Variants in LARGE1 observed in about 807,000 individuals in gnomAD.
LARGE1 encodes xylosyl- and glucuronyltransferase LARGE1.
Under a neutral mutation model 87.6 loss-of-function variants are expected in LARGE1, and 43 were observed. The ratio of observed to expected loss-of-function variants is 0.49; its 90% CI spans 0.38 to 0.63. The LOEUF (loss-of-function observed/expected upper bound fraction) is 0.63, where lower values mean the gene tolerates loss of function less well. Among genes scored for constraint, LARGE1 ranks in the 30% least tolerant of loss-of-function variants. The pLI, the probability that LARGE1 is intolerant of heterozygous loss-of-function variation, is 0.00. For missense variants in LARGE1, 802 were observed against 1,000.2 expected (o/e 0.80, Z 2.67); for synonymous variants, 434 against 394.6 (o/e 1.10, Z -1.18).
At chr22:33,721,988 A>T (rs1003546600) in intron 2 of LARGE1, among the ~76,000 whole-genome samples, 4 of 152,150 alleles carry the variant, frequency 2.6e-5, no homozygotes, top group African/African-American at 9.7e-5. Context: ...GCAGTGGCTC[A>T]CGCCTGTAAT....
intron 1 of LARGE1, among the ~76,000 whole-genome samples, chr22:33,779,272 G>A (rs1395137906): frequency 6.6e-6 from 1 of 152,120 alleles, no homozygotes; most frequent in African/African-American, 2.4e-5. Context: ...TCTATGGTGG[G>A]TGCTTAATCC....
chr22:33,096,798 C>T, the LARGE1 span, among the ~76,000 whole-genome samples: 1 of 152,110 alleles, frequency 6.6e-6, no homozygotes, highest in Admixed American at 6.5e-5. Flanking sequence ...ATCTCCTGAC[C>T]TCTTGATCCG....
At chr22:33,509,781 G>T (rs926103497) in intron 6 of LARGE1, among the ~76,000 whole-genome samples, 1 of 152,156 alleles carries the variant, frequency 6.6e-6, no homozygotes, top group Admixed American at 6.5e-5. Context: ...TTTTATAAAT[G>T]ATCTGTGTTT....
At chr22:33,333,459 C>T (rs1938010072) in intron 10 of LARGE1, among the ~76,000 whole-genome samples, 1 of 152,176 alleles carries the variant, frequency 6.6e-6, no homozygotes, top group African/African-American at 2.4e-5. Flanking sequence ...AAACTCCAAG[C>T]TTCTCAGCAC....
chr22:33,913,368 TTAAA>T (rs2065692460), intron 1 of LARGE1, among the ~76,000 whole-genome samples: 1 of 152,232 alleles, frequency 6.6e-6, no homozygotes, highest in African/African-American at 2.4e-5. Flanking sequence ...AGAACAGTAG[TTAAA>T]TAAGTAATCT....
At chr22:33,133,989 T>C in the LARGE1 span, among the ~76,000 whole-genome samples, 1 of 152,168 alleles carries the variant, frequency 6.6e-6, no homozygotes, top group African/African-American at 2.4e-5. Flanking sequence ...AAAACCATGT[T>C]CAGGGAGATT....
At chr22:33,622,679 A>G (rs2079792913) in intron 4 of LARGE1, among the ~76,000 whole-genome samples, 1 of 152,124 alleles carries the variant, frequency 6.6e-6, no homozygotes, top group Admixed American at 6.5e-5. Context: ...CTCCCCATAT[A>G]TGTAAGCCCC....
At chr22:33,287,655 G>C (rs1420213165) in intron 12 of LARGE1, among the ~76,000 whole-genome samples, 1 of 152,146 alleles carries the variant, frequency 6.6e-6, no homozygotes, top group Non-Finnish European at 1.5e-5. Context: ...CTGTCTTAGG[G>C]GTCAACAATT....
intron 11 of LARGE1, among the ~76,000 whole-genome samples, chr22:33,257,210 A>T (rs184450430): frequency 2.5e-3 from 385 of 152,160 alleles, no homozygotes; most frequent in Non-Finnish European, 4.0e-3. Flanking sequence ...CGTCTCAAAA[A>T]TAAACAAACA....
At chr22:33,766,236 C>A (rs890366701) in intron 1 of LARGE1, among the ~76,000 whole-genome samples, 1 of 152,094 alleles carries the variant, frequency 6.6e-6, no homozygotes, top group Non-Finnish European at 1.5e-5. Flanking sequence ...GAGGCCTCCC[C>A]ACCTGTTAAC....
At chr22:33,119,796 C>A in the LARGE1 span, among the ~76,000 whole-genome samples, 1 of 152,148 alleles carries the variant, frequency 6.6e-6, no homozygotes, top group Admixed American at 6.6e-5. Context: ...GCCACTGACA[C>A]GTGTGGAGTG....
chr22:33,685,390 A>G (rs1422868902), intron 2 of LARGE1, among the ~76,000 whole-genome samples: 4 of 152,204 alleles, frequency 2.6e-5, no homozygotes, highest in Non-Finnish European at 5.9e-5. Context: ...CTAATATCCA[A>G]ATTATAGAAC....
upstream of LARGE1, among the ~76,000 whole-genome samples, chr22:33,920,941 G>C (rs2147024112): frequency 6.7e-6 from 1 of 148,680 alleles, no homozygotes; most frequent in South Asian, 2.1e-4. Context: ...GCTGGGGTCC[G>C]GGCTCCGGGC....
chr22:33,307,426 T>C (rs1935053301), intron 11 of LARGE1, among the ~76,000 whole-genome samples: 1 of 152,180 alleles, frequency 6.6e-6, no homozygotes, highest in Non-Finnish European at 1.5e-5. Context: ...ATATCTTTGC[T>C]TCATTGTCTG....
At chr22:33,597,751 C>T (rs1867820662) in intron 5 of LARGE1, among the ~76,000 whole-genome samples, 1 of 152,158 alleles carries the variant, frequency 6.6e-6, no homozygotes, top group South Asian at 2.1e-4. Context: ...CCTTCCTGAG[C>T]TCGGGATCAC....
At chr22:33,664,187 C>T (rs906620159) in intron 2 of LARGE1, among the ~76,000 whole-genome samples, 2 of 152,242 alleles carry the variant, frequency 1.3e-5, no homozygotes, top group Admixed American at 6.5e-5. Context: ...GCCATTCCTA[C>T]ACAGCCACAA....
At chr22:33,512,689 G>A (rs2071112580) in intron 6 of LARGE1, among the ~76,000 whole-genome samples, 1 of 152,162 alleles carries the variant, frequency 6.6e-6, no homozygotes, top group South Asian at 2.1e-4. Flanking sequence ...TGTAATCCCA[G>A]CTACTCGGGA....
At chr22:33,918,591 G>T (rs1381581790) in intron 1 of LARGE1, among the ~76,000 whole-genome samples, 3 of 152,168 alleles carry the variant, frequency 2.0e-5, no homozygotes, top group African/African-American at 7.2e-5. Context: ...TACCCCTAGG[G>T]AGGACCAAGC....
chr22:33,233,021 G>C (rs948020249), intron 11 of LARGE1, among the ~76,000 whole-genome samples: 3 of 152,248 alleles, frequency 2.0e-5, no homozygotes, highest in African/African-American at 7.2e-5. Context: ...ACTCTGAAAA[G>C]CTTCAAAGGT....
Sources: gnomAD v4.1 joint callset for allele counts (sites outside exome capture counted in the v4.1 genomes callset) on GRCh38, gnomAD v4.1.1 for gene constraint, MANE v1.5 for transcripts, NCBI Gene and HGNC (gene_info 2026-07-23, HGNC 2026-07-21) for gene names.